Variants in CLNK observed in about 807,000 individuals in gnomAD.
The protein encoded by CLNK is cytokine dependent hematopoietic cell linker, also known as cytokine-dependent hematopoietic cell linker.
In CLNK, 74 loss-of-function variants were observed where a neutral mutation model predicts 68.6. The ratio of observed to expected loss-of-function variants is 1.08; its 90% CI spans 0.89 to 1.31. CLNK has a LOEUF of 1.31. CLNK is among the 50% of genes most tolerant of loss of function. The pLI, the probability that CLNK is intolerant of heterozygous loss-of-function variation, is 0.00. For synonymous variants in CLNK, 198 were observed against 172.2 expected (o/e 1.15, Z -1.17); for missense variants, 553 against 515.3 (o/e 1.07, Z -0.71).
Position 10,513,432 on chromosome 4 carries a change from T to C in CLNK, c.906+32A>G, listed in dbSNP as rs114896180. 1,102 of 1,597,712 alleles carry C rather than the reference T, an allele frequency of 6.9e-4. 8 individuals are homozygous for C. In the African/African-American group the frequency reaches 0.013, roughly 19 times the overall value. On this transcript the variant is annotated intron_variant, in intron 16 of 18. Transcript: ENST00000226951. ...GCTCTATTTAGATGCCAAGTACATC[T>C]AGAAGGACTTGGCAGAGAAGTGTCT...
At chr4:10,678,024 C>G (rs953906221) in intron 1 of CLNK, among the ~76,000 whole-genome samples, 4 of 152,154 alleles carry the variant, frequency 2.6e-5, no homozygotes, top group Admixed American at 6.5e-5. Flanking sequence ...AACAAATGCA[C>G]AGTGTGGATC....
In CLNK at chr4:10,589,066, A is replaced by T. The variant is rs535363371; in HGVS notation, c.84-4111T>A. Among the ~76,000 whole-genome samples the T allele has an allele frequency of 1.5e-3, 229 of 152,320 alleles. 1 individual carries two copies. Among genetic ancestry groups the T allele is most frequent in the Non-Finnish European group, 2.4e-3 (160 of 68,016 alleles). ...TATATCATATAATTGAATTTTTGCT[A>T]AGAGAGTAAATCTTATATTAATTGT... On this transcript the variant is annotated intron_variant, in intron 3 of 18. Coordinates refer to ENST00000226951, the MANE Select transcript of CLNK (RefSeq NM_052964.4).
At chr4:10,586,175 C>T (rs76937611) in intron 3 of CLNK, among the ~76,000 whole-genome samples, 1 of 152,118 alleles carries the variant, frequency 6.6e-6, no homozygotes, top group Non-Finnish European at 1.5e-5. Flanking sequence ...TCCTAACACA[C>T]CACAGACCAG....
chr4:10,678,697 T>A (rs1488139274), intron 1 of CLNK, among the ~76,000 whole-genome samples: 2 of 152,128 alleles, frequency 1.3e-5, no homozygotes, highest in African/African-American at 2.4e-5. Flanking sequence ...ACAAAATCAA[T>A]GTGCAAAAAT....
intron 3 of CLNK, among the ~76,000 whole-genome samples, chr4:10,590,275 A>G (rs529773941): frequency 3.9e-5 from 6 of 152,310 alleles, no homozygotes; most frequent in African/African-American, 1.2e-4. Flanking sequence ...TACTAAAGTA[A>G]ACTCCGCCCC....
chr4:10,726,217 G>A, the CLNK span, among the ~76,000 whole-genome samples: 232 of 152,256 alleles, frequency 1.5e-3, 2 homozygotes, highest in African/African-American at 3.7e-3. Context: ...TGCCTCTCGG[G>A]TTCAAGCGAT....
intron 16 of CLNK, among the ~76,000 whole-genome samples, chr4:10,509,220 G>A (rs1002127306): frequency 7.8e-4 from 119 of 151,972 alleles, no homozygotes; most frequent in Middle Eastern, 6.8e-3. Context: ...CCACTGGAAA[G>A]TAAACCTGAT....
At chr4:10,599,956 A>G (rs543398627) in intron 2 of CLNK, among the ~76,000 whole-genome samples, 2 of 152,228 alleles carry the variant, frequency 1.3e-5, no homozygotes, top group African/African-American at 4.8e-5. Context: ...TTAATAGCAG[A>G]ATATTATCAA....
chr4:10,551,095 T>C (rs1303839895), intron 8 of CLNK, among the ~76,000 whole-genome samples: 1 of 152,162 alleles, frequency 6.6e-6, no homozygotes, highest in Admixed American at 6.5e-5. Context: ...TTATGAATTA[T>C]GTATTTCTGG....
At chr4:10,603,745 G>C (rs996713423) in intron 2 of CLNK, among the ~76,000 whole-genome samples, 1 of 152,202 alleles carries the variant, frequency 6.6e-6, no homozygotes, top group Admixed American at 6.5e-5. Context: ...GCACTCCTGG[G>C]TGGCCCAGTC....
At chr4:10,655,718 C>T (rs1481849474) in intron 2 of CLNK, among the ~76,000 whole-genome samples, 6 of 141,868 alleles carry the variant, frequency 4.2e-5, no homozygotes, top group African/African-American at 1.6e-4. Context: ...GGTGCGATCT[C>T]GGCTCACTGC....
intron 11 of CLNK, among the ~76,000 whole-genome samples, chr4:10,538,671 G>A (rs745417941): frequency 2.6e-5 from 4 of 152,274 alleles, no homozygotes; most frequent in Non-Finnish European, 5.9e-5. Flanking sequence ...AGGTTCCTTT[G>A]AAAGCTGCAG....
chr4:10,511,650 A>C (rs1178510065), intron 16 of CLNK, among the ~76,000 whole-genome samples: 1 of 152,218 alleles, frequency 6.6e-6, no homozygotes, highest in Non-Finnish European at 1.5e-5. Context: ...TTCACTCAGC[A>C]TAATGTTTTC....
the CLNK span, among the ~76,000 whole-genome samples, chr4:10,726,636 A>G: frequency 0.43 from 65,695 of 152,078 alleles, 15,031 homozygotes; most frequent in East Asian, 0.69. Context: ...TAGAGCGAAG[A>G]TTTCAGTTGT....
the CLNK span, among the ~76,000 whole-genome samples, chr4:10,699,310 C>CACACACATACACACCACGTATGT: frequency 2.9e-5 from 1 of 34,390 alleles, no homozygotes; most frequent in Middle Eastern, 0.026. Flanking sequence ...ACACCACATA[C>CACACACATACACACCACGTATGT]GTGTATACAC....
chr4:10,657,650 A>G (rs910118700), intron 2 of CLNK, among the ~76,000 whole-genome samples: 1 of 152,216 alleles, frequency 6.6e-6, no homozygotes, highest in African/African-American at 2.4e-5. Context: ...TTTTGTTCAA[A>G]CAGACAACAA....
chr4:10,697,927 T>C, the CLNK span, among the ~76,000 whole-genome samples: 145,285 of 152,320 alleles, frequency 0.95, 69,322 homozygotes, highest in East Asian at 1. Context: ...GATACTAATC[T>C]TCATCCTCTC....
chr4:10,727,305 C>T, the CLNK span, among the ~76,000 whole-genome samples: 4 of 152,164 alleles, frequency 2.6e-5, no homozygotes, highest in African/African-American at 9.7e-5. Flanking sequence ...GGGGCTCATA[C>T]TGAAGGTCAG....
chr4:10,689,271 A>G (rs2108908020), upstream of CLNK, among the ~76,000 whole-genome samples: 1 of 151,810 alleles, frequency 6.6e-6, no homozygotes, highest in South Asian at 2.1e-4. Context: ...AGTAGTTGGG[A>G]CTGCAGGCAC....
Sources: gnomAD v4.1 joint callset for allele counts (sites outside exome capture counted in the v4.1 genomes callset) on GRCh38, gnomAD v4.1.1 for gene constraint, MANE v1.5 for transcripts, NCBI Gene and HGNC (gene_info 2026-07-23, HGNC 2026-07-21) for gene names.